The following LOXL2 variants were observed in gnomAD, a reference collection of about 807,000 sequenced individuals.
The protein encoded by LOXL2 is lysyl oxidase homolog 2.
In LOXL2, 70 loss-of-function variants were observed where a neutral mutation model predicts 93.0. The observed-to-expected ratio is 0.75, with a 90% CI of 0.62 to 0.92. The LOEUF is 0.92. Ranked by LOEUF, LOXL2 falls within the 40% of genes least tolerant of loss-of-function variation. LOXL2 has a pLI of 0.00. For missense variants in LOXL2, 973 were observed against 1,054.9 expected, an observed-to-expected ratio of 0.92 and a Z score of 1.08; for synonymous variants, 438 against 413.2, an observed-to-expected ratio of 1.06 and a Z score of -0.73.
chr8:23,301,758 T>A (rs533040175), intron 12 of LOXL2, among the ~76,000 whole-genome samples: 1 of 152,300 alleles, frequency 6.6e-6, no homozygotes, highest in South Asian at 2.1e-4. Context: ...AGCCTGCTGA[T>A]GAGTTTTGAT....
rs1804114254 is a variant in LOXL2 at position 23,352,685 on chromosome 8, AG to A, written c.531+7404del. Among the ~76,000 whole-genome samples, 4 of 152,158 alleles carry A rather than the reference AG, an allele frequency of 2.6e-5. No homozygotes were observed. The South Asian group carries it at 8.3e-4, about 32-fold the overall frequency. ...ACAGCAGCCTCAGTCTCTGTGGTTAAGATGAGAAGAAAGGGCTTTTTCAGGT... is the reference window on the plus strand; with the variant it reads ...ACAGCAGCCTCAGTCTCTGTGGTTAAATGAGAAGAAAGGGCTTTTTCAGGT... On this transcript the variant is annotated intron_variant, in intron 3 of 13. Transcript: ENST00000389131.
chr8:23,368,263 C>T lies in LOXL2; in HGVS notation c.89G>A (p.Trp30Ter). 1 of 1,613,880 alleles carries T rather than the reference C, an allele frequency of 6.2e-7. No individual in the cohort carries two copies. The highest frequency in any genetic ancestry group is 8.5e-7 in the Non-Finnish European group (1 of 1,180,012). ...SPLSLAQYDS[W>*]PHYPEYFQQP... ...CTGGAAGTACTCGGGGTAATGGGGC[C>T]AGCTGTCATACTGTGCCAGGCTCAG... Residue 30 changes from tryptophan (W) to a stop codon, truncating the protein, a stop_gained, in exon 2 of 14, where the codon TGG becomes TAG. Coordinates refer to ENST00000389131, the MANE Select transcript of LOXL2 (RefSeq NM_002318.3). LOFTEE classifies it high-confidence loss of function.
At chr8:23,373,537 A>G (rs1804536888) in intron 1 of LOXL2, among the ~76,000 whole-genome samples, 1 of 152,190 alleles carries the variant, frequency 6.6e-6, no homozygotes, top group Non-Finnish European at 1.5e-5. Context: ...AAATGTATCC[A>G]TCTTGTGGAA....
chr8:23,379,928 C>A (rs571224289), intron 1 of LOXL2, among the ~76,000 whole-genome samples: 26 of 152,010 alleles, frequency 1.7e-4, no homozygotes, highest in Non-Finnish European at 7.4e-5. Context: ...TCACACTCTG[C>A]GGGCTGCACC....
Position 23,353,328 on chromosome 8 carries a change from T to C in LOXL2, c.531+6762A>G, listed in dbSNP as rs1365181990. On this transcript the variant is annotated intron_variant, in intron 3 of 13. Transcript: ENST00000389131. ...TTTGCCAGGTTTAAAAGAGATCTGT[T>C]CGTTTGGAGCCAAGAGTGTTTCACA... is the stretch of plus-strand genomic sequence containing the variant. 2.0e-5 allele frequency among the ~76,000 whole-genome samples: 3 copies of C among 152,232 alleles called. No homozygotes were observed. In the East Asian group the frequency reaches 5.8e-4, roughly 29 times the overall value.
intron 1 of LOXL2, among the ~76,000 whole-genome samples, chr8:23,393,749 G>T (rs1800047200): frequency 6.6e-6 from 1 of 152,200 alleles, no homozygotes; most frequent in Non-Finnish European, 1.5e-5. Flanking sequence ...TTTTGAAGAT[G>T]CTTTATGAAC....
chr8:23,357,439 G>T (rs575018179), intron 3 of LOXL2, among the ~76,000 whole-genome samples: 1 of 151,960 alleles, frequency 6.6e-6, no homozygotes, highest in Non-Finnish European at 1.5e-5. Flanking sequence ...ATCTTATTTC[G>T]CCCTGGAATT....
At chr8:23,380,072 T>C (rs969106745) in intron 1 of LOXL2, among the ~76,000 whole-genome samples, 32 of 152,152 alleles carry the variant, frequency 2.1e-4, no homozygotes, top group African/African-American at 7.7e-4. Flanking sequence ...TATTTGGCCA[T>C]CTTGGAATTG....
intron 1 of LOXL2, among the ~76,000 whole-genome samples, chr8:23,378,016 T>A (rs146725668): frequency 1.9e-4 from 29 of 152,180 alleles, no homozygotes; most frequent in Non-Finnish European, 7.3e-5. Flanking sequence ...CATTAGTTGA[T>A]GTAGTTTCTT....
At chr8:23,322,315 C>G in intron 6 of LOXL2, 34 bp from the exon 7 acceptor site, 1 of 1,596,222 alleles carries the variant, frequency 6.3e-7, no homozygotes, top group Non-Finnish European at 8.6e-7. Context: ...TCTATGAAAG[C>G]TTTGGAAGGA....
chr8:23,328,254 CCCAGGCAGCCA>C (rs1803616392), intron 6 of LOXL2, 117 bp downstream of exon 6: 2 of 961,748 alleles, frequency 2.1e-6, no homozygotes, highest in East Asian at 4.8e-5. Flanking sequence ...GGGATTCTCT[CCCAGGCAGCCA>C]CTAAAGGGAG....
At chr8:23,353,737 T>C (rs76620762) in intron 3 of LOXL2, among the ~76,000 whole-genome samples, 5,528 of 152,314 alleles carry the variant, frequency 0.036, 193 homozygotes, top group East Asian at 0.1. Flanking sequence ...AGAAATCATC[T>C]GATTTTTTTC....
chr8:23,344,700 G>T (rs1803940725), intron 3 of LOXL2, among the ~76,000 whole-genome samples: 1 of 151,966 alleles, frequency 6.6e-6, no homozygotes, highest in Non-Finnish European at 1.5e-5. Context: ...ATGTCACATG[G>T]GTCTCTGTAT....
chr8:23,357,535 T>C (rs1804220114), intron 3 of LOXL2, among the ~76,000 whole-genome samples: 1 of 152,350 alleles, frequency 6.6e-6, no homozygotes, highest in South Asian at 2.1e-4. Flanking sequence ...TCTAATCTAA[T>C]GAAGTGCCAC....
Position 23,368,391 on chromosome 8 carries a change from G to C in LOXL2, c.-40C>G, listed in dbSNP as rs773966241. 1 of 1,555,404 alleles carries C rather than the reference G, an allele frequency of 6.4e-7. No individual in the cohort carries two copies. Among genetic ancestry groups the C allele is most frequent in the Non-Finnish European group, 8.8e-7 (1 of 1,135,192 alleles). ...TGATGATCCCACGAAGGGGCCCTGC[G>C]CAGCTGGGAGGGACAGGCGGGGTAC... On this transcript the variant is annotated 5_prime_UTR_variant, in exon 2 of 14. Coordinates refer to ENST00000389131, the MANE Select transcript of LOXL2 (RefSeq NM_002318.3).
Position 23,297,723 on chromosome 8 carries a change from TTGAATGG to T in LOXL2, c.*313_*319del. On this transcript the variant is annotated 3_prime_UTR_variant, in exon 14 of 14. Coordinates refer to ENST00000389131, the MANE Select transcript of LOXL2 (RefSeq NM_002318.3). ...CTGTGTCTGTGGTGAGCTCGGTGGC[TTGAATGG>T]GACAAGCTGATGACAACCTGTCTGT... The T allele has an allele frequency of 4.8e-6, 1 of 207,730 alleles. No homozygotes were observed. The highest frequency in any genetic ancestry group is 1.4e-4 in the South Asian group (1 of 7,314). 12.9% of individuals were successfully genotyped at this position (207,730 alleles called of 1,614,324 possible). A position where few individuals can be genotyped will look rare whatever the true frequency, so the allele number is the denominator to read the frequency against.
chr8:23,393,618 T>A (rs532359476), intron 1 of LOXL2, among the ~76,000 whole-genome samples: 215 of 152,250 alleles, frequency 1.4e-3, no homozygotes, highest in Non-Finnish European at 2.7e-3. Context: ...ATAGAGTACG[T>A]CTTCATGGAT....
At chr8:23,385,413 ATT>A (rs201661064) in intron 1 of LOXL2, among the ~76,000 whole-genome samples, 47,912 of 136,192 alleles carry the variant, frequency 0.35, 8,385 homozygotes, top group East Asian at 0.57. Flanking sequence ...CACCCAGCTA[ATT>A]TTTTTTTTTT....
intron 3 of LOXL2, among the ~76,000 whole-genome samples, chr8:23,354,432 A>G (rs1804149133): frequency 6.6e-6 from 1 of 152,154 alleles, no homozygotes; most frequent in Non-Finnish European, 1.5e-5. Flanking sequence ...GCCCCTTCCA[A>G]ACTGGGGAAA....
Sources: gnomAD v4.1 joint callset for allele counts (sites outside exome capture counted in the v4.1 genomes callset) on GRCh38, gnomAD v4.1.1 for gene constraint, MANE v1.5 for transcripts, NCBI Gene and HGNC (gene_info 2026-07-23, HGNC 2026-07-21) for gene names.